Variants in LGSN observed in about 807,000 individuals in gnomAD.
The protein encoded by LGSN is lengsin.
In LGSN, 21 loss-of-function variants were observed where a neutral mutation model predicts 19.5. That is an observed-to-expected ratio of 1.07 (90% CI 0.76 to 1.55). LGSN has a LOEUF of 1.55. Ranked by LOEUF, LGSN falls within the 40% of genes most tolerant of loss-of-function variation. The pLI, the probability that LGSN is intolerant of heterozygous loss-of-function variation, is 0.00. For missense variants in LGSN, 673 were observed against 608.5 expected (o/e 1.11, Z -1.12); for synonymous variants, 257 against 215.6 (o/e 1.19, Z -1.68).
At chr6:63,557,483 CAT>C in the LGSN span, among the ~76,000 whole-genome samples, 8 of 150,132 alleles carry the variant, frequency 5.3e-5, no homozygotes, top group Middle Eastern at 3.5e-3. Flanking sequence ...AGAACTGCTC[CAT>C]ATATATATAT....
chr6:63,371,089 C>T, the LGSN span, among the ~76,000 whole-genome samples: 74 of 152,278 alleles, frequency 4.9e-4, no homozygotes, highest in African/African-American at 1.6e-3. Flanking sequence ...TGTTAGTTAG[C>T]GTTCTTCTCT....
At chr6:63,491,991 T>C in the LGSN span, among the ~76,000 whole-genome samples, 1 of 151,068 alleles carries the variant, frequency 6.6e-6, no homozygotes, top group Non-Finnish European at 1.5e-5. Context: ...ATGACGCCAT[T>C]GCACTCCAGC....
At chr6:63,394,275 T>C in the LGSN span, among the ~76,000 whole-genome samples, 2 of 151,820 alleles carry the variant, frequency 1.3e-5, no homozygotes, top group East Asian at 3.9e-4. Context: ...ATAATAACAA[T>C]AATAATTAAT....
chr6:63,383,316 A>C, the LGSN span, among the ~76,000 whole-genome samples: 2 of 151,090 alleles, frequency 1.3e-5, no homozygotes, highest in African/African-American at 4.9e-5. Flanking sequence ...AAGTCAACCA[A>C]CTCATAGGTT....
the LGSN span, among the ~76,000 whole-genome samples, chr6:63,409,197 C>G: frequency 1.3e-5 from 2 of 152,258 alleles, no homozygotes; most frequent in South Asian, 4.1e-4. Flanking sequence ...TAGGTGTGAG[C>G]CACCACACCC....
the LGSN span, chr6:63,480,325 G>A: frequency 4.7e-6 from 1 of 214,112 alleles, no homozygotes; most frequent in Admixed American, 4.3e-5. Context: ...CTTACGAAAA[G>A]GAAAAAGCCA....
upstream of LGSN, among the ~76,000 whole-genome samples, chr6:63,322,817 G>GA (rs950906686): frequency 1.3e-5 from 2 of 152,138 alleles, no homozygotes; most frequent in African/African-American, 2.4e-5. Flanking sequence ...AGGACAGGTA[G>GA]AAAATCAGTG....
the LGSN span, among the ~76,000 whole-genome samples, chr6:63,492,236 T>C: frequency 7.2e-5 from 11 of 152,184 alleles, no homozygotes; most frequent in Admixed American, 7.2e-4. Flanking sequence ...CACACCTATC[T>C]ATGCACTGAG....
chr6:63,356,113 T>C, the LGSN span, among the ~76,000 whole-genome samples: 1 of 152,214 alleles, frequency 6.6e-6, no homozygotes, highest in Non-Finnish European at 1.5e-5. Flanking sequence ...CCCACCCTAA[T>C]AATCTCATCT....
the LGSN span, among the ~76,000 whole-genome samples, chr6:63,455,719 A>C: frequency 6.6e-6 from 1 of 151,954 alleles, no homozygotes. Flanking sequence ...GCATCATTGC[A>C]CTCCAGCCTG....
At chr6:63,573,085 C>T in the LGSN span, among the ~76,000 whole-genome samples, 10 of 152,138 alleles carry the variant, frequency 6.6e-5, no homozygotes, top group South Asian at 4.1e-4. Flanking sequence ...GCTTTGTGAC[C>T]GCCGCCTCCG....
At chr6:63,503,469 G>A in the LGSN span, among the ~76,000 whole-genome samples, 4 of 152,206 alleles carry the variant, frequency 2.6e-5, no homozygotes, top group Non-Finnish European at 4.4e-5. Context: ...TCCAGGACTC[G>A]CCCCGGAATA....
At chr6:63,394,751 C>T in the LGSN span, among the ~76,000 whole-genome samples, 4 of 152,308 alleles carry the variant, frequency 2.6e-5, no homozygotes, top group East Asian at 1.9e-4. Flanking sequence ...GACCCCTTTC[C>T]GGTAACACTG....
chr6:63,474,459 A>AG, the LGSN span, among the ~76,000 whole-genome samples: 46 of 152,090 alleles, frequency 3.0e-4, no homozygotes, highest in Non-Finnish European at 5.4e-4. Flanking sequence ...ATACAAAAAA[A>AG]TTAGCTGGGC....
chr6:63,485,069 C>T, the LGSN span, among the ~76,000 whole-genome samples: 7 of 151,544 alleles, frequency 4.6e-5, no homozygotes, highest in African/African-American at 1.5e-4. Context: ...TTCAGGGTTA[C>T]ATGCAGGTTT....
chr6:63,502,921 C>T, the LGSN span, among the ~76,000 whole-genome samples: 2 of 152,192 alleles, frequency 1.3e-5, no homozygotes, highest in East Asian at 1.9e-4. Flanking sequence ...ACGATCTATG[C>T]TCTATGCTCA....
At chr6:63,519,565 T>C in the LGSN span, among the ~76,000 whole-genome samples, 22 of 152,320 alleles carry the variant, frequency 1.4e-4, no homozygotes, top group African/African-American at 5.3e-4. Context: ...ACACCACATA[T>C]GCCAAGTTTG....
the LGSN span, among the ~76,000 whole-genome samples, chr6:63,493,333 T>G: frequency 6.6e-6 from 1 of 152,200 alleles, no homozygotes; most frequent in African/African-American, 2.4e-5. Flanking sequence ...TTAACAAAAT[T>G]TAATGAAATG....
At position 63,285,856 on chromosome 6, in the gene LGSN, A is replaced by G. The variant is rs1767514968; in HGVS notation, c.164-103T>C. Reference sequence around the variant, plus strand: ...ATTAGTCAATATTATTAACAAAAACATTATATATTCATCATGTCACTGGCT... The same window carrying G: ...ATTAGTCAATATTATTAACAAAAACGTTATATATTCATCATGTCACTGGCT... On this transcript the variant is annotated intron_variant, in intron 2 of 3. Coordinates refer to ENST00000370657, the MANE Select transcript of LGSN (RefSeq NM_016571.3). The G allele has an allele frequency of 3.6e-5, 30 of 828,628 alleles. No individual in the cohort carries two copies. In the South Asian group the frequency reaches 5.0e-4, roughly 14 times the overall value. 51.3% of individuals were successfully genotyped at this position (828,628 alleles called of 1,614,324 possible). A position where few individuals can be genotyped will look rare whatever the true frequency, so the allele number is the denominator to read the frequency against.
Sources: allele counts gnomAD v4.1 joint callset (sites outside exome capture counted in the v4.1 genomes callset), GRCh38; gene constraint gnomAD v4.1.1; transcripts MANE v1.5; gene names NCBI Gene and HGNC (gene_info 2026-07-23, HGNC 2026-07-21).